The following GPC3 variants were observed in gnomAD, a reference collection of about 807,000 sequenced individuals.
GPC3 encodes the protein glypican-3.
GPC3 carries 3 observed loss-of-function variants against 34.4 expected under a neutral mutation model. That is an observed-to-expected ratio of 0.09 (90% CI 0.04 to 0.23). The LOEUF is 0.23. Ranked by LOEUF, GPC3 falls within the 10% of genes least tolerant of loss-of-function variation. The pLI is 1.00. For synonymous variants in GPC3, 177 were observed against 174.0 expected (o/e 1.02, Z -0.13); for missense variants, 351 against 445.6 (o/e 0.79, Z 1.91).
At chrX:133,925,388 C>T (rs780412247) in intron 2 of GPC3, among the ~76,000 whole-genome samples, 14 of 111,142 alleles carry the variant, frequency 1.3e-4, no homozygotes, top group Non-Finnish European at 2.4e-4. Flanking sequence ...CTGGTTCCCT[C>T]ACTGATTTAA....
intron 6 of GPC3, among the ~76,000 whole-genome samples, chrX:133,618,261 A>G (rs951436872): frequency 2.7e-5 from 3 of 112,024 alleles, no homozygotes; most frequent in Non-Finnish European, 5.6e-5. Context: ...TGGAATTTGT[A>G]TTCAAAACAA....
intron 1 of GPC3, among the ~76,000 whole-genome samples, chrX:133,979,361 A>G (rs1235380877): frequency 8.9e-6 from 1 of 112,301 alleles, no homozygotes; most frequent in Non-Finnish European, 1.9e-5. Flanking sequence ...GGCTTTGTCC[A>G]GCTACACACA....
intron 2 of GPC3, among the ~76,000 whole-genome samples, chrX:133,759,049 C>T (rs918921404): frequency 2.7e-5 from 3 of 110,608 alleles, no homozygotes; most frequent in Admixed American, 9.6e-5. Flanking sequence ...CTAGCTACTG[C>T]AATGAGACAA....
chrX:133,967,180 T>C (rs936073609), intron 1 of GPC3, among the ~76,000 whole-genome samples: 1 of 112,195 alleles, frequency 8.9e-6, no homozygotes, highest in Non-Finnish European at 1.9e-5. Context: ...ACCAAATGTT[T>C]CCTAAAATTG....
chrX:133,578,937 C>T lies in GPC3; in HGVS notation c.1573+17503G>A, dbSNP rs745337793. Among the ~76,000 whole-genome samples the T allele has an allele frequency of 4.5e-5, 5 of 110,578 alleles. No homozygotes were observed. The East Asian group carries it at 1.2e-3, about 26-fold the overall frequency. On this transcript the variant is annotated intron_variant, in intron 7 of 7. Coordinates refer to ENST00000370818, the MANE Select transcript of GPC3 (RefSeq NM_004484.4). ...TGTTGTGAATTTATAGACCCTGCTA[C>T]AGGATCAAGACCAAGCTCCTTAACA...
At chrX:133,824,312 C>T (rs2075735683) in intron 2 of GPC3, among the ~76,000 whole-genome samples, 1 of 111,232 alleles carries the variant, frequency 9.0e-6, no homozygotes, top group Non-Finnish European at 1.9e-5. Flanking sequence ...ATCTATCTCC[C>T]ATGTACTGAT....
intron 2 of GPC3, among the ~76,000 whole-genome samples, chrX:133,827,944 C>CAAAAAAAAAAAAAAAAAA: frequency 2.8e-5 from 1 of 36,025 alleles, no homozygotes; most frequent in Non-Finnish European, 4.6e-5. Flanking sequence ...AACTCCATCC[C>CAAAAAAAAAAAAAAAAAA]AAAAAAAAAA....
At chrX:133,559,695 A>C (rs1485384215) in intron 7 of GPC3, among the ~76,000 whole-genome samples, 1 of 112,121 alleles carries the variant, frequency 8.9e-6, no homozygotes, top group African/African-American at 3.2e-5. Context: ...ATAATACTAA[A>C]TACTTGTACT....
At chrX:133,713,985 A>G (rs1020820506) in intron 3 of GPC3, among the ~76,000 whole-genome samples, 1 of 112,374 alleles carries the variant, frequency 8.9e-6, no homozygotes, top group Non-Finnish European at 1.9e-5. Context: ...GAAAAATCAC[A>G]CAATGACTAA....
chrX:133,932,647 G>A (rs986763353), intron 2 of GPC3, among the ~76,000 whole-genome samples: 2 of 111,878 alleles, frequency 1.8e-5, no homozygotes, highest in African/African-American at 3.3e-5. Flanking sequence ...CCAAATTAGA[G>A]TGGAATGGAG....
intron 2 of GPC3, among the ~76,000 whole-genome samples, chrX:133,942,323 T>C (rs1017406110): frequency 9.8e-5 from 11 of 112,014 alleles, no homozygotes; most frequent in African/African-American, 1.6e-4. Flanking sequence ...TGTGCATAAA[T>C]ATTTAATTAC....
chrX:133,847,345 G>A (rs960653674), intron 2 of GPC3, among the ~76,000 whole-genome samples: 6 of 111,726 alleles, frequency 5.4e-5, no homozygotes, highest in Admixed American at 1.9e-4. Flanking sequence ...CCTGCTTGAA[G>A]GTTTGTTTCC....
At chrX:133,705,197 T>A (rs2124441891) in intron 3 of GPC3, among the ~76,000 whole-genome samples, 1 of 110,799 alleles carries the variant, frequency 9.0e-6, no homozygotes, top group East Asian at 2.8e-4. Context: ...CAGGTATTAC[T>A]TATTTATTTA....
At chrX:133,793,549 C>A (rs1378617649) in intron 2 of GPC3, among the ~76,000 whole-genome samples, 1 of 111,139 alleles carries the variant, frequency 9.0e-6, no homozygotes, top group African/African-American at 3.3e-5. Context: ...GTCACCAAAC[C>A]CAGAAATATC....
intron 5 of GPC3, among the ~76,000 whole-genome samples, chrX:133,689,238 T>A (rs1434328507): frequency 9.0e-6 from 1 of 111,627 alleles, no homozygotes; most frequent in Non-Finnish European, 1.9e-5. Flanking sequence ...AATAGGAGTT[T>A]GGAATATTAG....
chrX:133,786,213 C>T (rs1009762985), intron 2 of GPC3, among the ~76,000 whole-genome samples: 6 of 111,430 alleles, frequency 5.4e-5, no homozygotes, highest in Admixed American at 1.9e-4. Flanking sequence ...GCCAACATGG[C>T]GAAACCTATC....
chrX:133,852,039 G>A (rs2075876091), intron 2 of GPC3, among the ~76,000 whole-genome samples: 1 of 112,244 alleles, frequency 8.9e-6, no homozygotes, highest in Admixed American at 9.4e-5. Context: ...TACCTAAGCA[G>A]AGGGACGAAT....
At chrX:133,555,126 T>C in intron 7 of GPC3, among the ~76,000 whole-genome samples, 1 of 112,258 alleles carries the variant, frequency 8.9e-6, no homozygotes, top group African/African-American at 3.2e-5. Context: ...CATAGCTCAC[T>C]GCAGCCTTGA....
intron 7 of GPC3, among the ~76,000 whole-genome samples, chrX:133,565,678 A>C (rs2069575994): frequency 8.9e-6 from 1 of 112,543 alleles, no homozygotes; most frequent in African/African-American, 3.2e-5. Context: ...GGAACTTGGG[A>C]AACTTCAAAG....
Sources: allele counts gnomAD v4.1 joint callset (sites outside exome capture counted in the v4.1 genomes callset), GRCh38; gene constraint gnomAD v4.1.1; transcripts MANE v1.5; gene names NCBI Gene and HGNC (gene_info 2026-07-23, HGNC 2026-07-21).